The following PTPRT variants were observed in gnomAD, a reference collection of about 807,000 sequenced individuals.
PTPRT encodes the protein receptor-type tyrosine-protein phosphatase T.
Under a neutral mutation model 176.8 loss-of-function variants are expected in PTPRT, and 56 were observed. The observed-to-expected ratio is 0.32, with a 90% CI of 0.26 to 0.40. The LOEUF is 0.40. Ranked by LOEUF, PTPRT falls within the 10% of genes least tolerant of loss-of-function variation. PTPRT has a pLI of 1.00. For synonymous variants in PTPRT, 783 were observed against 739.0 expected, an observed-to-expected ratio of 1.06 and a Z score of -0.96; for missense variants, 1,540 against 1,908.2, an observed-to-expected ratio of 0.81 and a Z score of 3.60.
Position 42,771,454 on chromosome 20 carries a change from T to C in PTPRT, c.665A>G (p.His222Arg), listed in dbSNP as rs754664536. 3.7e-6 allele frequency: 6 copies of C among 1,614,046 alleles called. No individual in the cohort carries two copies. Among genetic ancestry groups the C allele is most frequent in the South Asian group, 1.1e-5 (1 of 91,072 alleles). Residue 222 changes from histidine (H) to arginine (R), a missense_variant, in exon 5 of 31, where the codon CAT (histidine) becomes CGT (arginine). Physicochemically the swap from His to Arg is conservative, Grantham distance 29. Coordinates refer to ENST00000373187, the MANE Select transcript of PTPRT (RefSeq NM_007050.6). ...QCIAGGKWSQHDKLWLQQWNG... is the reference protein window; with the variant it reads ...QCIAGGKWSQRDKLWLQQWNG... Reference sequence around the variant, plus strand: ...GCTTACCTGGAGCCAAAGCTTGTCATGCTGAGACCACTTCCCACCAGCAAT... The same window carrying C: ...GCTTACCTGGAGCCAAAGCTTGTCACGCTGAGACCACTTCCCACCAGCAAT...
chr20:42,333,029 A>C (rs1262618432), intron 11 of PTPRT, among the ~76,000 whole-genome samples: 1 of 152,238 alleles, frequency 6.6e-6, no homozygotes, highest in African/African-American at 2.4e-5. Context: ...TTGCAACTAA[A>C]CTTTAGGAAA....
At chr20:42,772,554 T>C (rs972327021) in intron 4 of PTPRT, among the ~76,000 whole-genome samples, 3 of 152,224 alleles carry the variant, frequency 2.0e-5, no homozygotes, top group African/African-American at 7.2e-5. Flanking sequence ...CTCACCTACC[T>C]GCACTCTACA....
intron 1 of PTPRT, among the ~76,000 whole-genome samples, chr20:43,018,448 A>G (rs1043960580): frequency 1.3e-5 from 2 of 152,256 alleles, no homozygotes; most frequent in African/African-American, 4.8e-5. Flanking sequence ...GATCTGAAGG[A>G]TGAAAAGACT....
chr20:43,004,281 G>A (rs1984739426), intron 1 of PTPRT, among the ~76,000 whole-genome samples: 1 of 151,448 alleles, frequency 6.6e-6, no homozygotes. Flanking sequence ...AATGGATGAA[G>A]GATATTAATC....
intron 1 of PTPRT, among the ~76,000 whole-genome samples, chr20:43,147,997 T>G (rs946613207): frequency 6.6e-6 from 1 of 152,182 alleles, no homozygotes; most frequent in Non-Finnish European, 1.5e-5. Flanking sequence ...ACTTTAAATC[T>G]ACCCAAGACC....
intron 16 of PTPRT, among the ~76,000 whole-genome samples, chr20:42,181,671 T>G (rs901320110): frequency 6.6e-6 from 1 of 152,176 alleles, no homozygotes; most frequent in Non-Finnish European, 1.5e-5. Context: ...TGACTTAAAA[T>G]TAGCATAATG....
intron 27 of PTPRT, among the ~76,000 whole-genome samples, chr20:42,097,936 C>T (rs571101124): frequency 2.2e-4 from 33 of 152,300 alleles, no homozygotes; most frequent in African/African-American, 7.7e-4. Flanking sequence ...AAAGGTCAAC[C>T]GTGAGGAACT....
chr20:42,890,927 A>G (rs957167537), intron 1 of PTPRT, among the ~76,000 whole-genome samples: 6 of 152,176 alleles, frequency 3.9e-5, no homozygotes, highest in African/African-American at 1.4e-4. Flanking sequence ...AAGTCTCGCA[A>G]GATCTGATGA....
At chr20:42,359,869 C>T (rs2058409066) in intron 9 of PTPRT, among the ~76,000 whole-genome samples, 1 of 152,198 alleles carries the variant, frequency 6.6e-6, no homozygotes. Context: ...AGCCCTGCTG[C>T]GGCCCTGCAG....
At chr20:42,289,517 C>T (rs190178274) in intron 12 of PTPRT, among the ~76,000 whole-genome samples, 96 of 151,984 alleles carry the variant, frequency 6.3e-4, no homozygotes, top group African/African-American at 2.1e-3. Flanking sequence ...AAGTGGCCAA[C>T]AAACATGAAA....
chr20:42,520,484 T>A (rs1222408740), intron 7 of PTPRT, among the ~76,000 whole-genome samples: 1 of 152,078 alleles, frequency 6.6e-6, no homozygotes, highest in African/African-American at 2.4e-5. Context: ...CTTAGATTTT[T>A]CTGTTTTGGT....
chr20:42,783,030 A>G (rs1288367041), intron 3 of PTPRT, among the ~76,000 whole-genome samples: 1 of 152,222 alleles, frequency 6.6e-6, no homozygotes, highest in Non-Finnish European at 1.5e-5. Context: ...ACAGAATGAA[A>G]CTTCCATTCA....
chr20:43,100,569 C>T (rs2012356986), intron 1 of PTPRT, among the ~76,000 whole-genome samples: 1 of 152,156 alleles, frequency 6.6e-6, no homozygotes, highest in South Asian at 2.1e-4. Context: ...TTCCCCCAAG[C>T]CCTAGGGCTG....
chr20:42,054,050 C>G, the PTPRT span, among the ~76,000 whole-genome samples: 6 of 152,138 alleles, frequency 3.9e-5, no homozygotes, highest in Admixed American at 6.5e-5. Flanking sequence ...ACATCCAGGT[C>G]CATTCCTGAG....
chr20:42,183,174 C>T (rs887917059), intron 16 of PTPRT, among the ~76,000 whole-genome samples: 1 of 152,076 alleles, frequency 6.6e-6, no homozygotes, highest in Non-Finnish European at 1.5e-5. Context: ...CCCTAGTATT[C>T]GAGACCCCAG....
chr20:42,912,761 T>G (rs1342699104), intron 1 of PTPRT, among the ~76,000 whole-genome samples: 1 of 152,266 alleles, frequency 6.6e-6, no homozygotes, highest in African/African-American at 2.4e-5. Flanking sequence ...ACTTTCACTA[T>G]TGTTTCAGCA....
intron 2 of PTPRT, among the ~76,000 whole-genome samples, chr20:42,811,967 A>G (rs2077703510): frequency 6.6e-6 from 1 of 152,098 alleles, no homozygotes; most frequent in African/African-American, 2.4e-5. Context: ...TTTATATTCT[A>G]TTATATTCTT....
chr20:42,108,797 A>G (rs574362280), intron 23 of PTPRT, among the ~76,000 whole-genome samples: 4 of 152,276 alleles, frequency 2.6e-5, no homozygotes, highest in African/African-American at 9.6e-5. Context: ...CACTTAGCCA[A>G]CCCATTTGGT....
At chr20:42,657,976 T>C (rs1487541558) in intron 7 of PTPRT, among the ~76,000 whole-genome samples, 1 of 152,074 alleles carries the variant, frequency 6.6e-6, no homozygotes, top group Non-Finnish European at 1.5e-5. Flanking sequence ...TTTTACCTTT[T>C]CTTGAAAATT....
Sources: allele counts gnomAD v4.1 joint callset (sites outside exome capture counted in the v4.1 genomes callset), GRCh38; gene constraint gnomAD v4.1.1; transcripts MANE v1.5; gene names NCBI Gene and HGNC (gene_info 2026-07-23, HGNC 2026-07-21).